The following EDN2 variants were observed in gnomAD, a reference collection of about 807,000 sequenced individuals.
EDN2 encodes endothelin-2.
A neutral mutation model predicts 19.9 loss-of-function variants in EDN2; 10 were observed. That is an observed-to-expected ratio of 0.50 (90% CI 0.31 to 0.85). The LOEUF (loss-of-function observed/expected upper bound fraction) is 0.85. Ranked by LOEUF, EDN2 falls within the 40% of genes least tolerant of loss-of-function variation. The pLI, the probability that EDN2 is intolerant of heterozygous loss-of-function variation, is 0.05. For synonymous variants in EDN2, 84 were observed against 94.9 expected (o/e 0.89, Z 0.67); for missense variants, 222 against 239.3 (o/e 0.93, Z 0.48).
intron 2 of EDN2, 71 bp from the exon 3 acceptor site, chr1:41,482,659 G>C: frequency 6.7e-7 from 1 of 1,482,784 alleles, no homozygotes; most frequent in South Asian, 1.4e-5. Flanking sequence ...AAAATAAAGA[G>C]AGAGAGGATT....
chr1:41,479,294 G>C lies in EDN2; in HGVS notation c.*115C>G, dbSNP rs1475536904. The C allele has an allele frequency of 1.1e-6, 1 of 919,560 alleles. No homozygotes were observed. Among genetic ancestry groups the C allele is most frequent in the Admixed American group, 2.0e-5 (1 of 50,680 alleles). The allele number at this position is 919,560 out of a possible 1,614,324, so 57.0% of individuals were successfully genotyped here. A position where few individuals can be genotyped will look rare whatever the true frequency, so the allele number is the denominator to read the frequency against. ...CCAATCCTGGCAAATGGGTCCAGCT[G>C]TCTGGGACCAAGGCCCCGGTCCAGG... On this transcript the variant is annotated 3_prime_UTR_variant, in exon 5 of 5. Transcript: ENST00000372587.
At chr1:41,484,343 C>A (rs1644273764) in intron 1 of EDN2, 140 bp from the exon 2 acceptor site, 2 of 1,321,270 alleles carry the variant, frequency 1.5e-6, no homozygotes, top group Non-Finnish European at 2.1e-6. Flanking sequence ...TCCAGGCCAG[C>A]CCAGGGAAGT....
rs1451529707 is a variant in EDN2 at position 41,484,212 on chromosome 1, A to G, written c.65-9T>C. On this transcript the variant is annotated splice_polypyrimidine_tract_variant and intron_variant, in intron 1 of 4. Coordinates refer to ENST00000372587, the MANE Select transcript of EDN2 (RefSeq NM_001956.5). ...AGCAGCCTGGCCCTTCCCTGCATGC[A>G]CAGGAGGGAGAGAGAGGTGGAGAGG... 4 of 1,610,652 alleles carry G rather than the reference A, an allele frequency of 2.5e-6. No individual in the cohort carries two copies. Among genetic ancestry groups the G allele is most frequent in the Non-Finnish European group, 3.4e-6 (4 of 1,179,134 alleles).
At chr1:41,482,958 G>A (rs1461725635) in intron 2 of EDN2, 1 of 160,166 alleles carries the variant, frequency 6.2e-6, no homozygotes, top group African/African-American at 2.4e-5. Flanking sequence ...CTCTCAGACA[G>A]GCTGGTCCCC....
chr1:41,479,499 G>T lies in EDN2; in HGVS notation c.447C>A (p.Asp149Glu), dbSNP rs145939049. 29 of 1,613,970 alleles carry T rather than the reference G, an allele frequency of 1.8e-5. No homozygotes were observed. The African/African-American group carries it at 3.5e-4, about 19-fold the overall frequency. ...CAAAGAGGCTCTTGACTGTGGAAAT[G>T]TCCCTGGGAATCAAGAAGGGTCAAC... ...TTGELLQRLR[D>E]ISTVKSLFAK... is the part of the protein sequence containing the mutation. Residue 149 changes from aspartate to glutamate, a missense_variant, in exon 5 of 5, where the codon GAC becomes GAA. Transcript: ENST00000372587.
chr1:41,480,634 C>G, intron 4 of EDN2: 1 of 449,726 alleles, frequency 2.2e-6, no homozygotes, highest in Admixed American at 2.4e-5. Flanking sequence ...GTGCAAGTGT[C>G]TGTTCTTGAG....
intron 2 of EDN2, 35 bp downstream of exon 2, chr1:41,484,012 A>G: frequency 6.5e-7 from 1 of 1,549,598 alleles, no homozygotes; most frequent in South Asian, 1.2e-5. Flanking sequence ...CCTGCCCCAG[A>G]GCTCCCCCTG....
intron 4 of EDN2, 47 bp from the exon 5 acceptor site, chr1:41,479,549 G>A: frequency 6.5e-7 from 1 of 1,530,004 alleles, no homozygotes; most frequent in African/African-American, 1.4e-5. Flanking sequence ...GATATGGACT[G>A]TCCAAGAGCT....
rs1313026136 is a variant in EDN2 at position 41,479,157 on chromosome 1, G to A, written c.*252C>T. The A allele has an allele frequency of 1.7e-6, 1 of 600,282 alleles. No individual in the cohort carries two copies. Among genetic ancestry groups the A allele is most frequent in the Non-Finnish European group, 3.1e-6 (1 of 323,282 alleles). The allele number at this position is 600,282 out of a possible 1,614,324, so 37.2% of individuals were successfully genotyped here. On this transcript the variant is annotated 3_prime_UTR_variant, in exon 5 of 5. Transcript: ENST00000372587. ...TGCAGTTCTTCCAGCAGAGCTGTGG[G>A]CCAGCAGCCAGCACTGGAGGCTGCT...
chr1:41,482,351 T>G (rs1644254922), intron 3 of EDN2, 115 bp downstream of exon 3: 1 of 1,304,470 alleles, frequency 7.7e-7, no homozygotes, highest in Non-Finnish European at 9.9e-7. Context: ...CCTGGGTCGC[T>G]TCTCACCCCC....
At chr1:41,481,480 G>T (rs1357954045) in intron 3 of EDN2, among the ~76,000 whole-genome samples, 1 of 151,972 alleles carries the variant, frequency 6.6e-6, no homozygotes, top group Non-Finnish European at 1.5e-5. Flanking sequence ...CAGGGGCGGG[G>T]CCTCAGCTTG....
chr1:41,479,562 C>G, intron 4 of EDN2, 60 bp from the exon 5 acceptor site: 1 of 1,476,848 alleles, frequency 6.8e-7, no homozygotes, highest in Non-Finnish European at 9.4e-7. Flanking sequence ...CAAGAGCTCC[C>G]CATGAGAGCA....
intron 3 of EDN2, among the ~76,000 whole-genome samples, chr1:41,482,082 C>T (rs1644252338): frequency 6.6e-6 from 1 of 152,210 alleles, no homozygotes; most frequent in Admixed American, 6.5e-5. Flanking sequence ...AGGTCGGAAT[C>T]CAAAGCCCAG....
Position 41,479,501 on chromosome 1 carries a change from C to A in EDN2, c.445G>T (p.Asp149Tyr). The A allele has an allele frequency of 6.2e-7, 1 of 1,613,876 alleles. No homozygotes were observed. The highest frequency in any genetic ancestry group is 8.5e-7 in the Non-Finnish European group (1 of 1,179,748). The stretch of plus-strand genomic sequence containing the variant: ...AAGAGGCTCTTGACTGTGGAAATGT[C>A]CCTGGGAATCAAGAAGGGTCAACTT... ...TTGELLQRLR[D>Y]ISTVKSLFAK... Residue 149 changes from aspartate (D) to tyrosine (Y), a missense_variant and splice_region_variant, in exon 5 of 5, where the codon GAC (aspartate) becomes TAC (tyrosine). By Grantham distance (160) the Asp-to-Tyr change is radical. Coordinates refer to ENST00000372587, the MANE Select transcript of EDN2 (RefSeq NM_001956.5).
intron 2 of EDN2, 197 bp downstream of exon 2, chr1:41,483,850 C>T: frequency 1.7e-6 from 1 of 582,264 alleles, no homozygotes; most frequent in South Asian, 2.5e-5. Flanking sequence ...TAAGAATTCT[C>T]AGAAGACAGC....
rs182190151 is a variant in EDN2 at position 41,479,981 on chromosome 1, A to G, written c.444-479T>C. ...CCTTTGAACCTGGCTGGGTGGCCAC[A>G]TCCTGGCTCAAAGAACTCTAAACTG... On this transcript the variant is annotated intron_variant, in intron 4 of 4. Transcript: ENST00000372587. 3.5e-4 allele frequency among the ~76,000 whole-genome samples: 54 copies of G among 152,304 alleles called. No individual in the cohort carries two copies. The East Asian group carries it at 0.01, about 29-fold the overall frequency.
Position 41,484,537 on chromosome 1 carries a change from CCTT to C in EDN2, c.62_64del (p.Glu21del). ...CAGCAGGTGAGGCCAGGGCAGCTCACCTTCATGCAGGGCCACGAGCAGGGCTAG... is the reference window on the plus strand; with the variant it reads ...CAGCAGGTGAGGCCAGGGCAGCTCACCATGCAGGGCCACGAGCAGGGCTAG... On this transcript the variant is annotated inframe_deletion and splice_region_variant, in exon 1 of 5. Coordinates refer to ENST00000372587, the MANE Select transcript of EDN2 (RefSeq NM_001956.5). 2 of 1,554,096 alleles carry C rather than the reference CCTT, an allele frequency of 1.3e-6. No individual in the cohort carries two copies. The highest frequency in any genetic ancestry group is 1.7e-6 in the Non-Finnish European group (2 of 1,148,570).
intron 2 of EDN2, 187 bp downstream of exon 2, chr1:41,483,860 C>A (rs1053905180): frequency 1.6e-6 from 1 of 615,248 alleles, no homozygotes; most frequent in South Asian, 2.3e-5. Context: ...CAGAAGACAG[C>A]CCTCTCTATG....
rs1644272074 is a variant in EDN2, at chr1:41,484,180, G to C, written c.88C>G (p.Leu30Val). 6.2e-7 allele frequency: 1 copy of C among 1,612,428 alleles called. No homozygotes were observed. The highest frequency in any genetic ancestry group is 1.3e-5 in the African/African-American group (1 of 74,922). Residue 30 changes from leucine (L) to valine (V), a missense_variant, in exon 2 of 5, where the codon CTG becomes GTG. Transcript: ENST00000372587. ...TGAGATGAGGACGCTGGCTGCTCCA[G>C]GGTGGCAGCAGCCTGGCCCTTCCCT... ...HEGKGQAAATLEQPASSSHAQ... is the reference protein window; with the variant it reads ...HEGKGQAAATVEQPASSSHAQ...
Sources: allele counts gnomAD v4.1 joint callset (sites outside exome capture counted in the v4.1 genomes callset), GRCh38; gene constraint gnomAD v4.1.1; transcripts MANE v1.5; gene names NCBI Gene and HGNC (gene_info 2026-07-23, HGNC 2026-07-21).